NREP: variants seen among roughly 807,000 people sequenced by gnomAD.
The protein encoded by NREP is neuronal regeneration related protein.
A neutral mutation model predicts 8.6 loss-of-function variants in NREP; 5 were observed. That is an observed-to-expected ratio of 0.58 (90% CI 0.30 to 1.22). NREP has a LOEUF of 1.22. Among genes scored for constraint, NREP ranks in the 50% most tolerant of loss-of-function variants. NREP has a pLI of 0.07. For synonymous variants in NREP, 27 were observed against 28.0 expected, an observed-to-expected ratio of 0.96 and a Z score of 0.11; for missense variants, 86 against 82.5, an observed-to-expected ratio of 1.04 and a Z score of -0.17.
At chr5:111,949,257 T>C (rs1040518162) in intron 2 of NREP, among the ~76,000 whole-genome samples, 1 of 151,976 alleles carries the variant, frequency 6.6e-6, no homozygotes, top group East Asian at 1.9e-4. Context: ...GGCCACACCA[T>C]TGAATGAGAC....
intron 2 of NREP, among the ~76,000 whole-genome samples, chr5:111,901,991 C>T (rs1754658026): frequency 6.6e-6 from 1 of 151,980 alleles, no homozygotes. Context: ...CAAATAGTCA[C>T]AGTAATACTG....
chr5:111,845,973 A>G (rs1280489295), intron 2 of NREP: 1 of 153,234 alleles, frequency 6.5e-6, no homozygotes, highest in Non-Finnish European at 1.5e-5. Context: ...GCTTTGTATT[A>G]CAGGATAAAA....
chr5:111,779,947 T>A (rs146745273), intron 2 of NREP, among the ~76,000 whole-genome samples: 7 of 152,226 alleles, frequency 4.6e-5, no homozygotes, highest in Admixed American at 4.6e-4. Flanking sequence ...ATATTCATAA[T>A]GTCTGAGGCT....
At chr5:111,743,023 C>A (rs971636064) in intron 2 of NREP, among the ~76,000 whole-genome samples, 2 of 152,120 alleles carry the variant, frequency 1.3e-5, no homozygotes, top group African/African-American at 4.8e-5. Flanking sequence ...GGCAATTTTT[C>A]TTTTCAGCAA....
At chr5:111,860,142 T>C (rs1234551310) in intron 2 of NREP, among the ~76,000 whole-genome samples, 1 of 152,132 alleles carries the variant, frequency 6.6e-6, no homozygotes, top group African/African-American at 2.4e-5. Flanking sequence ...TATACTGAAC[T>C]CAGGGATTAT....
At chr5:111,965,647 T>G (rs1393284158) in intron 2 of NREP, among the ~76,000 whole-genome samples, 1 of 152,192 alleles carries the variant, frequency 6.6e-6, no homozygotes, top group East Asian at 1.9e-4. Flanking sequence ...TAATGTCATT[T>G]CATCTGTAAA....
At position 111,813,777 on chromosome 5, in the gene NREP, A is replaced by G. The variant is rs892795765; in HGVS notation, c.136-78270T>C. Among the ~76,000 whole-genome samples the G allele has an allele frequency of 3.3e-5, 5 of 152,184 alleles. No homozygotes were observed. The East Asian group carries it at 9.7e-4, about 29-fold the overall frequency. On this transcript the variant is annotated intron_variant, in intron 2 of 3. Coordinates refer to the NREP transcript ENST00000395634. The stretch of plus-strand genomic sequence containing the variant: ...GTAGAGTTTTGTTTTGAGTGATCAC[A>G]TTCACAATTTCCCAGCTGATTTATT...
intron 2 of NREP, among the ~76,000 whole-genome samples, chr5:111,806,121 T>A (rs1287398417): frequency 2.6e-5 from 4 of 152,092 alleles, no homozygotes; most frequent in African/African-American, 9.7e-5. Context: ...GGGTTTGAAA[T>A]TTTTCAAAAT....
chr5:111,735,616 G>C (rs1581034035), intron 2 of NREP, 109 bp from the exon 3 acceptor site: 1 of 733,804 alleles, frequency 1.4e-6, no homozygotes, highest in Admixed American at 2.1e-5. Flanking sequence ...ACTTATTCCC[G>C]ACTACCACTT....
chr5:111,953,769 A>T (rs1195943856), intron 2 of NREP, among the ~76,000 whole-genome samples: 1 of 152,132 alleles, frequency 6.6e-6, no homozygotes, highest in Non-Finnish European at 1.5e-5. Context: ...TAAGTTGCAT[A>T]TTGACAAATA....
At chr5:111,919,389 T>A (rs1027030684) in intron 2 of NREP, among the ~76,000 whole-genome samples, 2 of 152,074 alleles carry the variant, frequency 1.3e-5, no homozygotes, top group African/African-American at 4.8e-5. Context: ...ACCCAAATGA[T>A]TATAAATCAT....
At chr5:111,765,671 G>A (rs912318873) in intron 2 of NREP, among the ~76,000 whole-genome samples, 1 of 152,170 alleles carries the variant, frequency 6.6e-6, no homozygotes, top group Non-Finnish European at 1.5e-5. Context: ...GCTCACCTTC[G>A]TTGCCGTGCC....
At chr5:111,902,035 T>TTAGACTTCAAAATATACTACAAAGCTC in intron 2 of NREP, among the ~76,000 whole-genome samples, 1 of 152,196 alleles carries the variant, frequency 6.6e-6, no homozygotes, top group Admixed American at 6.5e-5. Flanking sequence ...CACCACACTG[T>TTAGACTTCAAAATATACTACAAAGCTC]TAGACTTCAA....
rs145517030 is a variant in NREP, at chr5:111,817,804, C to CAA, written c.136-82299_136-82298dup. Among the ~76,000 whole-genome samples the CAA allele has an allele frequency of 9.0e-3, 504 of 56,036 alleles. 8 individuals carry two copies. Among genetic ancestry groups the CAA allele is most frequent in the Middle Eastern group, 0.021 (2 of 94 alleles). 36.8% of individuals were successfully genotyped at this position (56,036 alleles called of 152,430 possible). A position where few individuals can be genotyped will look rare whatever the true frequency, so the allele number is the denominator to read the frequency against. ...TGGGCAACAGAGCAAGACTTCATCT[C>CAA]AAAAAAAAAAAAAAAAAAAAAGGTT... On this transcript the variant is annotated intron_variant, in intron 2 of 3. Coordinates refer to the NREP transcript ENST00000395634.
Position 111,757,143 on chromosome 5 carries a change from A to T in NREP, c.-66T>A. 1 of 970,016 alleles carries T rather than the reference A, an allele frequency of 1.0e-6. No homozygotes were observed. The allele number at this position is 970,016 out of a possible 1,614,324, so 60.1% of individuals were successfully genotyped here. On this transcript the variant is annotated 5_prime_UTR_variant, in exon 1 of 4. Transcript: ENST00000257435. ...GGAATGGCATATACTTACAGACAAA[A>T]GCCCCGCTCCCTGTTCACTCTCTCT...
At chr5:111,760,002 T>C (rs1295739831), upstream of NREP, among the ~76,000 whole-genome samples, 1 of 152,232 alleles carries the variant, frequency 6.6e-6, no homozygotes, top group Non-Finnish European at 1.5e-5. Flanking sequence ...TCACTCTGAT[T>C]GATCATTTAG....
At chr5:111,911,736 G>C (rs1754917664) in intron 2 of NREP, among the ~76,000 whole-genome samples, 1 of 152,022 alleles carries the variant, frequency 6.6e-6, no homozygotes, top group African/African-American at 2.4e-5. Context: ...CCATCTAAAA[G>C]ACATAAAAAT....
rs33962098 is a variant in NREP at position 111,970,825 on chromosome 5, CAAAAAAAAAAAAA to C, written c.135+4436_135+4448del. On this transcript the variant is annotated intron_variant, in intron 2 of 3. Transcript: ENST00000395634. ...TGGTTGACAAAGCAAGACTCCATCT[CAAAAAAAAAAAAA>C]AAAAAAAAAAAGAAAGAAGAAAAAA... 1.1e-3 allele frequency among the ~76,000 whole-genome samples: 59 copies of C among 53,630 alleles called. No individual in the cohort carries two copies. In the South Asian group the frequency reaches 0.028, roughly 26 times the overall value. 35.2% of individuals were successfully genotyped at this position (53,630 alleles called of 152,430 possible). A position where few individuals can be genotyped will look rare whatever the true frequency, so the allele number is the denominator to read the frequency against.
At chr5:111,900,545 G>T (rs1489699146) in intron 2 of NREP, among the ~76,000 whole-genome samples, 1 of 151,802 alleles carries the variant, frequency 6.6e-6, no homozygotes, top group Non-Finnish European at 1.5e-5. Flanking sequence ...AAGAGTAAAT[G>T]TCCAATAAAT....
Sources: gnomAD v4.1 joint callset for allele counts (sites outside exome capture counted in the v4.1 genomes callset) on GRCh38, gnomAD v4.1.1 for gene constraint, MANE v1.5 for transcripts, NCBI Gene and HGNC (gene_info 2026-07-23, HGNC 2026-07-21) for gene names.